Variants in HEPACAM2 observed in about 807,000 individuals in gnomAD.
HEPACAM2 encodes the protein HEPACAM family member 2, also known as mitotic kinetics regulator.
In HEPACAM2, 49 loss-of-function variants were observed where a neutral mutation model predicts 49.6. The observed-to-expected ratio is 0.99, with a 90% confidence interval of 0.78 to 1.25. The LOEUF is 1.25. Ranked by LOEUF, HEPACAM2 falls within the 50% of genes most tolerant of loss-of-function variation. The pLI, the probability that HEPACAM2 is intolerant of heterozygous loss-of-function variation, is 0.00. For synonymous variants in HEPACAM2, 197 were observed against 202.9 expected (o/e 0.97, Z 0.25); for missense variants, 525 against 557.2 (o/e 0.94, Z 0.58).
Position 93,219,097 on chromosome 7 carries a change from T to C in HEPACAM2, c.430+4A>G. On this transcript the variant is annotated splice_donor_region_variant and intron_variant, in intron 2 of 9. Coordinates refer to ENST00000394468, the MANE Select transcript of HEPACAM2 (RefSeq NM_001039372.4). ...CTGCCCTCGTACACTCACAGGGGAC[T>C]CACCATCAACCGTGACTTGTATCTT... The C allele has an allele frequency of 6.2e-7, 1 of 1,612,302 alleles. No homozygotes were observed. The highest frequency in any genetic ancestry group is 8.5e-7 in the Non-Finnish European group (1 of 1,178,694).
Position 93,226,440 on chromosome 7 carries a change from G to T in HEPACAM2, c.7C>A (p.Gln3Lys). 6.2e-7 allele frequency: 1 copy of T among 1,612,976 alleles called. No homozygotes were observed. The highest frequency in any genetic ancestry group is 8.5e-7 in the Non-Finnish European group (1 of 1,179,096). The change falls in exon 1 of 10, where the codon CAG (glutamine) becomes AAG (lysine). Residue 3 changes from glutamine to lysine, a missense_variant. Coordinates refer to ENST00000394468, the MANE Select transcript of HEPACAM2 (RefSeq NM_001039372.4). ...CCGAAGGGCTCCATGAAAGCATCCT[G>T]TCCCATGCATGCAGTGCCCTGTTCT... is the stretch of plus-strand genomic sequence containing the variant. MGQDAFMEPFGDT... is the reference protein window; with the variant it reads MGKDAFMEPFGDT...
intron 4 of HEPACAM2, among the ~76,000 whole-genome samples, chr7:93,205,343 C>T (rs1794001043): frequency 6.6e-6 from 1 of 152,048 alleles, no homozygotes; most frequent in Admixed American, 6.6e-5. Flanking sequence ...ACTGAAAATC[C>T]CCAATAAAAC....
rs751530261 is a variant in HEPACAM2 at position 93,219,369 on chromosome 7, G to A, written c.162C>T (p.His54=). The A allele has an allele frequency of 8.7e-6, 14 of 1,613,936 alleles. No individual in the cohort carries two copies. The East Asian group carries it at 2.7e-4, about 31-fold the overall frequency. Residue 54 remains histidine, a synonymous_variant, in exon 2 of 10, where the codon CAC becomes CAT. Transcript: ENST00000394468. ...VRGQALYLPV[H]YGFHTPASDI... is the part of the protein sequence containing the mutation. Reference sequence around the variant, plus strand: ...CTGATGCTGGAGTGTGGAAGCCATAGTGGACGGGTAGGTAGAGGGCCTGAC... The same window carrying A: ...CTGATGCTGGAGTGTGGAAGCCATAATGGACGGGTAGGTAGAGGGCCTGAC...
upstream of HEPACAM2, among the ~76,000 whole-genome samples, chr7:93,228,864 GGTGTGT>G (rs61092223): frequency 1.3e-5 from 2 of 149,630 alleles, no homozygotes; most frequent in Non-Finnish European, 3.0e-5. Context: ...TGTGCAGGAG[GGTGTGT>G]GTGTGTGTGT....
At chr7:93,206,546 T>C (rs1351877407) in intron 4 of HEPACAM2, among the ~76,000 whole-genome samples, 7 of 152,058 alleles carry the variant, frequency 4.6e-5, no homozygotes, top group Admixed American at 1.3e-4. Flanking sequence ...ATGAAGCAAC[T>C]CAGGTAAAAA....
At chr7:93,220,791 G>C (rs890950924) in intron 1 of HEPACAM2, among the ~76,000 whole-genome samples, 1 of 152,154 alleles carries the variant, frequency 6.6e-6, no homozygotes, top group Non-Finnish European at 1.5e-5. Flanking sequence ...CTTAAGCCAT[G>C]ATATATTATT....
At chr7:93,221,109 C>A (rs1248495877) in intron 1 of HEPACAM2, among the ~76,000 whole-genome samples, 2 of 151,754 alleles carry the variant, frequency 1.3e-5, no homozygotes, top group African/African-American at 2.4e-5. Context: ...GGAGAAGGAT[C>A]AAAAATGTGA....
At chr7:93,227,542 CTT>C (rs1222077498), upstream of HEPACAM2, among the ~76,000 whole-genome samples, 4 of 152,152 alleles carry the variant, frequency 2.6e-5, no homozygotes, top group East Asian at 5.8e-4. Context: ...TGGAAACACT[CTT>C]TGCATTAGGG....
At chr7:93,220,086 CATG>C (rs1794416823) in intron 1 of HEPACAM2, among the ~76,000 whole-genome samples, 1 of 152,066 alleles carries the variant, frequency 6.6e-6, no homozygotes, top group African/African-American at 2.4e-5. Context: ...GGAGGAGGAG[CATG>C]ATAAGATATG....
At chr7:93,219,635 T>TA in intron 1 of HEPACAM2, 184 bp from the exon 2 acceptor site, 1 of 1,102,014 alleles carries the variant, frequency 9.1e-7, no homozygotes, top group Non-Finnish European at 1.2e-6. Flanking sequence ...CTTCTGCACT[T>TA]AAAAAACTCC....
chr7:93,221,638 A>C (rs10248026), intron 1 of HEPACAM2, among the ~76,000 whole-genome samples: 270 of 152,318 alleles, frequency 1.8e-3, no homozygotes, highest in African/African-American at 6.3e-3. Flanking sequence ...GAAAGAATCC[A>C]AGAGGAGAAA....
intron 9 of HEPACAM2, 59 bp from the exon 10 acceptor site, chr7:93,189,329 T>C: frequency 2.3e-6 from 3 of 1,286,820 alleles, no homozygotes; most frequent in Non-Finnish European, 3.2e-6. Context: ...GGTCTGCAGG[T>C]AAAAGAACTT....
Position 93,211,652 on chromosome 7 carries a change from G to A in HEPACAM2, c.716-2776C>T, listed in dbSNP as rs1365417988. Among the ~76,000 whole-genome samples, 3 of 151,958 alleles carry A rather than the reference G, an allele frequency of 2.0e-5. No homozygotes were observed. In the East Asian group the frequency reaches 5.8e-4, roughly 29 times the overall value. ...TTATCTCAGGCCCTGTGGTTCAGAA[G>A]GGACCCTTCATGTTGTCAGCATTGA... On this transcript the variant is annotated intron_variant, in intron 3 of 9. Coordinates refer to ENST00000394468, the MANE Select transcript of HEPACAM2 (RefSeq NM_001039372.4).
chr7:93,217,915 TTGGA>T (rs1794349486), intron 2 of HEPACAM2, among the ~76,000 whole-genome samples: 1 of 123,674 alleles, frequency 8.1e-6, no homozygotes, highest in African/African-American at 3.3e-5. Context: ...TGTGTGTGTG[TTGGA>T]GAAGTGAGAT....
chr7:93,194,921 C>CTT (rs80158728), intron 8 of HEPACAM2, among the ~76,000 whole-genome samples: 2,975 of 118,148 alleles, frequency 0.025, 207 homozygotes, highest in African/African-American at 0.093. Flanking sequence ...TTTAAAAGAT[C>CTT]TTTTTTTTTT....
chr7:93,222,750 A>G (rs770037797), intron 1 of HEPACAM2, among the ~76,000 whole-genome samples: 52 of 151,810 alleles, frequency 3.4e-4, no homozygotes, highest in Admixed American at 2.6e-4. Flanking sequence ...GCCTTTCTCG[A>G]CTCTCTTAAT....
intron 4 of HEPACAM2, among the ~76,000 whole-genome samples, chr7:93,205,273 C>T (rs575995900): frequency 1.7e-4 from 26 of 152,170 alleles, no homozygotes; most frequent in Admixed American, 7.2e-4. Context: ...TCACCATTTG[C>T]TGTAGTCTTA....
intron 3 of HEPACAM2, among the ~76,000 whole-genome samples, chr7:93,210,777 T>C (rs1437888766): frequency 6.6e-6 from 1 of 151,958 alleles, no homozygotes; most frequent in Non-Finnish European, 1.5e-5. Context: ...AAAAATAGAA[T>C]GTAGTAACTA....
At position 93,192,340 on chromosome 7, in the gene HEPACAM2, G is replaced by C; in HGVS notation, c.1299C>G (p.Ala433=). 6.2e-7 allele frequency: 1 copy of C among 1,612,380 alleles called. No homozygotes were observed. Among genetic ancestry groups the C allele is most frequent in the Non-Finnish European group, 8.5e-7 (1 of 1,178,958 alleles). Residue 433 remains alanine (A), a synonymous_variant, in exon 9 of 10, where the codon GCC becomes GCG. Coordinates refer to ENST00000394468, the MANE Select transcript of HEPACAM2 (RefSeq NM_001039372.4). ...AATCTTGCCCCGATACACAATCAGAGGCTGGAACAGACCTGCTTGGGATCT... is the reference window on the plus strand; with the variant it reads ...AATCTTGCCCCGATACACAATCAGACGCTGGAACAGACCTGCTTGGGATCT... ...VSRIPSRSVP[A]SDCVSGQDLH...
Sources: allele counts gnomAD v4.1 joint callset (sites outside exome capture counted in the v4.1 genomes callset), GRCh38; gene constraint gnomAD v4.1.1; transcripts MANE v1.5; gene names NCBI Gene and HGNC (gene_info 2026-07-23, HGNC 2026-07-21).